The following PDS5B variants were observed in gnomAD, a reference collection of about 807,000 sequenced individuals.
PDS5B encodes sister chromatid cohesion protein PDS5 homolog B.
PDS5B carries 51 observed loss-of-function variants against 184.1 expected under a neutral mutation model. The observed-to-expected ratio is 0.28, with a 90% CI of 0.22 to 0.35. The LOEUF (loss-of-function observed/expected upper bound fraction) is 0.35. Among genes scored for constraint, PDS5B ranks in the 10% least tolerant of loss-of-function variants. PDS5B has a pLI of 1.00. For synonymous variants in PDS5B, 566 were observed against 569.2 expected, an observed-to-expected ratio of 0.99 and a Z score of 0.08; for missense variants, 1,180 against 1,723.3, an observed-to-expected ratio of 0.68 and a Z score of 5.58.
At chr13:32,737,265 A>G (rs1399307651) in intron 21 of PDS5B, among the ~76,000 whole-genome samples, 1 of 152,168 alleles carries the variant, frequency 6.6e-6, no homozygotes, top group African/African-American at 2.4e-5. Flanking sequence ...ATCCAATGAA[A>G]ATGGAAGTTT....
At chr13:32,717,554 G>A (rs61945163) in intron 19 of PDS5B, among the ~76,000 whole-genome samples, 20 of 134,396 alleles carry the variant, frequency 1.5e-4, no homozygotes, top group Admixed American at 1.5e-4. Flanking sequence ...CAAACACTGC[G>A]GAAGGCCGCA....
intron 1 of PDS5B, among the ~76,000 whole-genome samples, chr13:32,644,637 T>A (rs117539111): frequency 0.015 from 2,237 of 152,288 alleles, 33 homozygotes; most frequent in Non-Finnish European, 0.025. Flanking sequence ...CACAAAGCTT[T>A]TAATGGATTG....
Position 32,760,640 on chromosome 13 carries a change from G to C in PDS5B, c.3438G>C (p.Gln1146His), listed in dbSNP as rs781195833. ...KPLSSAGKQS[Q>H]TKSSRMETVS... ...TTTCATCAGCAGGCAAGCAATCTCA[G>C]ACCAAATCATCACGAATGGAAACTG... The change falls in exon 30 of 35, where the codon CAG becomes CAC. Residue 1146 changes from glutamine (Q) to histidine (H), a missense_variant. Coordinates refer to ENST00000315596, the MANE Select transcript of PDS5B (RefSeq NM_015032.4). 1 of 1,613,966 alleles carries C rather than the reference G, an allele frequency of 6.2e-7. No homozygotes were observed. The highest frequency in any genetic ancestry group is 1.3e-5 in the African/African-American group (1 of 75,024).
intron 1 of PDS5B, among the ~76,000 whole-genome samples, chr13:32,607,379 ATTGCAGAACGGCAAATG>A (rs2058076221): frequency 6.6e-6 from 1 of 152,206 alleles, no homozygotes; most frequent in East Asian, 1.9e-4. Flanking sequence ...AACAGCAAAT[ATTGCAGAACGGCAAATG>A]TTGCTGCCTG....
intron 3 of PDS5B, among the ~76,000 whole-genome samples, chr13:32,654,227 T>C (rs975020126): frequency 1.3e-5 from 2 of 152,220 alleles, no homozygotes; most frequent in African/African-American, 4.8e-5. Context: ...GGCAAATTCG[T>C]ATATCTGTAT....
intron 1 of PDS5B, among the ~76,000 whole-genome samples, chr13:32,645,578 A>T (rs1271900455): frequency 6.6e-6 from 1 of 152,156 alleles, no homozygotes; most frequent in East Asian, 1.9e-4. Context: ...ATGTTATATT[A>T]TCAAATTTAT....
rs1348788766 is a variant in PDS5B at position 32,670,439 on chromosome 13, G to A, written c.705+2595G>A. On this transcript the variant is annotated intron_variant, in intron 7 of 34. Transcript: ENST00000315596. ...GACAGGGTTTCACCATGTTGCCCAG[G>A]CTGTTCTTGAATTGCTGAGCTCAAG... 7.9e-5 allele frequency among the ~76,000 whole-genome samples: 12 copies of A among 152,186 alleles called. No homozygotes were observed. In the South Asian group the frequency reaches 2.1e-3, roughly 26 times the overall value.
chr13:32,733,499 G>A (rs1953197050), intron 20 of PDS5B, among the ~76,000 whole-genome samples: 1 of 152,140 alleles, frequency 6.6e-6, no homozygotes, highest in Non-Finnish European at 1.5e-5. Context: ...TGCAATGGAA[G>A]TACTGAGGGA....
Position 32,683,977 on chromosome 13 carries a change from A to G in PDS5B, c.1157A>G (p.Asn386Ser), listed in dbSNP as rs762151880. 21 of 1,585,492 alleles carry G rather than the reference A, an allele frequency of 1.3e-5. No homozygotes were observed. The highest frequency in any genetic ancestry group is 1.2e-4 in the South Asian group (11 of 89,444). The change falls in exon 11 of 35, where the codon AAT becomes AGT. Residue 386 changes from asparagine to serine, a missense_variant. Coordinates refer to ENST00000315596, the MANE Select transcript of PDS5B (RefSeq NM_015032.4). ...TAAKKDILLV[N>S]DHLLNFVRER... ...GCTAAAAAGGATATTCTTCTGGTCA[A>G]TGATCACTTACTTAATTTTGTGAGA...
intron 17 of PDS5B, among the ~76,000 whole-genome samples, chr13:32,703,208 C>T (rs1951912966): frequency 6.6e-6 from 1 of 152,022 alleles, no homozygotes; most frequent in Non-Finnish European, 1.5e-5. Context: ...TTAATCTGCT[C>T]AGATTGTATA....
intron 1 of PDS5B, among the ~76,000 whole-genome samples, chr13:32,599,063 C>T (rs959934403): frequency 1.6e-4 from 24 of 151,906 alleles, no homozygotes; most frequent in African/African-American, 5.5e-4. Flanking sequence ...AGCCACCACG[C>T]CCAGCCTCAG....
At chr13:32,643,457 G>C (rs1300049747) in intron 1 of PDS5B, among the ~76,000 whole-genome samples, 1 of 152,114 alleles carries the variant, frequency 6.6e-6, no homozygotes, top group Admixed American at 6.5e-5. Flanking sequence ...AGATATGAAA[G>C]TGTCTTCAGA....
chr13:32,618,450 C>T (rs2058249675), intron 1 of PDS5B, among the ~76,000 whole-genome samples: 3 of 152,022 alleles, frequency 2.0e-5, no homozygotes, highest in Middle Eastern at 3.4e-3. Context: ...CCATCCTGTC[C>T]AGGATGTGAA....
chr13:32,712,874 T>C lies in PDS5B; in HGVS notation c.2123+2768T>C, dbSNP rs3783268. Among the ~76,000 whole-genome samples the C allele has an allele frequency of 8.4e-4, 128 of 152,326 alleles. 1 individual carries two copies. In the East Asian group the frequency reaches 0.018, roughly 21 times the overall value. On this transcript the variant is annotated intron_variant, in intron 19 of 34. Transcript: ENST00000315596. ...ACTAAGGAAAATCATGAAGGAAATA[T>C]CTTTTTACCAACTTTACGGGAACAG...
At chr13:32,754,666 C>CCCT (rs1420049528) in intron 25 of PDS5B, among the ~76,000 whole-genome samples, 14 of 152,044 alleles carry the variant, frequency 9.2e-5, no homozygotes, top group Non-Finnish European at 1.0e-4. Context: ...CGTATTTTGG[C>CCCT]AGATTACTTA....
intron 1 of PDS5B, among the ~76,000 whole-genome samples, chr13:32,631,834 C>G (rs2058460454): frequency 6.6e-6 from 1 of 151,966 alleles, no homozygotes; most frequent in Non-Finnish European, 1.5e-5. Flanking sequence ...AAACTGTTTT[C>G]TAAACTTGTC....
In PDS5B at chr13:32,777,351, C is replaced by CTTTTTTTTTTTTTTTTT. The variant is rs546641613; in HGVS notation, c.*2314_*2315insTTTTTTTTTTTTTTTTT. 1.5e-5 allele frequency: 2 copies of CTTTTTTTTTTTTTTTTT among 129,570 alleles called. No homozygotes were observed. The highest frequency in any genetic ancestry group is 2.8e-5 in the African/African-American group (1 of 35,252). 8.0% of individuals were successfully genotyped at this position (129,570 alleles called of 1,614,324 possible). A position where few individuals can be genotyped will look rare whatever the true frequency, so the allele number is the denominator to read the frequency against. On this transcript the variant is annotated 3_prime_UTR_variant, in exon 35 of 35. Transcript: ENST00000315596. ...ATGTAAATTTTTCTTTTCTTTCTTT[C>CTTTTTTTTTTTTTTTTT]TTTTTTTTTTTTTTTGTGTAGAAAA...
rs914475298 is a variant in PDS5B at position 32,669,308 on chromosome 13, G to C, written c.705+1464G>C. 3.3e-5 allele frequency among the ~76,000 whole-genome samples: 5 copies of C among 151,198 alleles called. No homozygotes were observed. The East Asian group carries it at 9.7e-4, about 29-fold the overall frequency. On this transcript the variant is annotated intron_variant, in intron 7 of 34. Coordinates refer to ENST00000315596, the MANE Select transcript of PDS5B (RefSeq NM_015032.4). ...TTTTTTCTTTTTTTTTGGAGGGGAG[G>C]GGGGACACATCTTATTTTGATTTCT...
chr13:32,659,340 T>G, intron 6 of PDS5B, 60 bp downstream of exon 6: 4 of 1,292,348 alleles, frequency 3.1e-6, no homozygotes, highest in Non-Finnish European at 4.1e-6. Context: ...GCTTAAAATT[T>G]GTGCTTAGGT....
Sources: allele counts gnomAD v4.1 joint callset (sites outside exome capture counted in the v4.1 genomes callset), GRCh38; gene constraint gnomAD v4.1.1; transcripts MANE v1.5; gene names NCBI Gene and HGNC (gene_info 2026-07-23, HGNC 2026-07-21).